The following CKAP5 variants were observed in gnomAD, a reference collection of about 807,000 sequenced individuals.
CKAP5 encodes the protein cytoskeleton-associated protein 5.
A neutral mutation model predicts 232.8 loss-of-function variants in CKAP5; 27 were observed. That is an observed-to-expected ratio of 0.12 (90% CI 0.09 to 0.16). The LOEUF (loss-of-function observed/expected upper bound fraction) is 0.16, where lower values mean the gene tolerates loss of function less well. CKAP5 is among the 10% of genes least tolerant of loss of function. The pLI, the probability that CKAP5 is intolerant of heterozygous loss-of-function variation, is 1.00. For synonymous variants in CKAP5, 785 were observed against 841.1 expected (o/e 0.93, Z 1.16); for missense variants, 1,838 against 2,424.7 (o/e 0.76, Z 5.08).
At chr11:46,830,302 G>C (rs1018484232) in intron 1 of CKAP5, among the ~76,000 whole-genome samples, 3 of 151,692 alleles carry the variant, frequency 2.0e-5, no homozygotes, top group Non-Finnish European at 4.4e-5. Context: ...TTAGCCGGGC[G>C]TGGTGGCAGG....
intron 27 of CKAP5, among the ~76,000 whole-genome samples, chr11:46,766,312 T>A (rs1038939530): frequency 6.6e-6 from 1 of 152,034 alleles, no homozygotes; most frequent in African/African-American, 2.4e-5. Flanking sequence ...AAGAACGGAG[T>A]CAAAAATACT....
At chr11:46,819,050 C>A (rs1939469239) in intron 2 of CKAP5, among the ~76,000 whole-genome samples, 1 of 152,054 alleles carries the variant, frequency 6.6e-6, no homozygotes, top group South Asian at 2.1e-4. Context: ...TACACTCCAG[C>A]AGGAGGGGAC....
chr11:46,829,712 C>T (rs1379110518), intron 1 of CKAP5, among the ~76,000 whole-genome samples: 1 of 152,056 alleles, frequency 6.6e-6, no homozygotes, highest in Non-Finnish European at 1.5e-5. Context: ...TGTGAAGTTC[C>T]CACTGCACAG....
chr11:46,778,572 T>C lies in CKAP5; in HGVS notation c.2461A>G (p.Thr821Ala), dbSNP rs145434600. The change falls in exon 21 of 44, where the codon ACC becomes GCC. Residue 821 changes from threonine (T) to alanine (A), a missense_variant. This residue lies in a region of CKAP5 where 767 missense variants were observed against 954.6 expected (regional missense o/e 0.80). Transcript: ENST00000529230. Reference protein sequence around the residue: ...KMQGQSPPAPTRGISKHSTSG... With the variant: ...KMQGQSPPAPARGISKHSTSG... ...GTGCTATGCTTGGAAATTCCTCTGG[T>C]TGGAGCAGGTGGACTTTGTCCCTGC... 5.6e-4 allele frequency: 897 copies of C among 1,614,046 alleles called. 4 individuals carry two copies. In the African/African-American group the frequency reaches 0.011, roughly 20 times the overall value.
At chr11:46,770,766 T>A in intron 25 of CKAP5, 22 bp downstream of exon 25, 11 of 1,605,146 alleles carry the variant, frequency 6.9e-6, no homozygotes, top group Non-Finnish European at 9.4e-6. Flanking sequence ...TTAACAGCAG[T>A]AGCAGCAACA....
intron 9 of CKAP5, among the ~76,000 whole-genome samples, chr11:46,799,515 G>C (rs1938976356): frequency 6.6e-6 from 1 of 152,086 alleles, no homozygotes; most frequent in Non-Finnish European, 1.5e-5. Flanking sequence ...AACATTTAAA[G>C]AAAATAAAGC....
intron 38 of CKAP5, among the ~76,000 whole-genome samples, chr11:46,752,191 TATACACACAC>T (rs2065071593): frequency 1.4e-5 from 1 of 73,166 alleles, no homozygotes; most frequent in Non-Finnish European, 2.7e-5. Context: ...TATATATATA[TATACACACAC>T]ACACACACAC....
intron 17 of CKAP5, among the ~76,000 whole-genome samples, chr11:46,783,597 GTTTT>G (rs66522172): frequency 7.1e-6 from 1 of 141,696 alleles, no homozygotes; most frequent in Non-Finnish European, 1.5e-5. Flanking sequence ...GCATTATAAT[GTTTT>G]TTTTTTTTTT....
rs150058248 is a variant in CKAP5, at chr11:46,759,864, A to G, written c.4395-422T>C. 3.8e-3 allele frequency among the ~76,000 whole-genome samples: 575 copies of G among 152,308 alleles called. 3 individuals carry two copies. Among genetic ancestry groups the G allele is most frequent in the Non-Finnish European group, 5.0e-3 (337 of 68,026 alleles). On this transcript the variant is annotated intron_variant, in intron 33 of 43. Coordinates refer to ENST00000529230, the MANE Select transcript of CKAP5 (RefSeq NM_001008938.4). ...AACCAGTGCTTTAATTTTGCTAATC[A>G]TAAGTACCATTCCATGCCGTGTTCA...
intron 3 of CKAP5, among the ~76,000 whole-genome samples, chr11:46,816,753 T>C (rs1939411394): frequency 6.6e-6 from 1 of 152,042 alleles, no homozygotes; most frequent in South Asian, 2.1e-4. Flanking sequence ...AAATATACTT[T>C]ACAAAAGTAG....
At chr11:46,771,947 T>A (rs2065250800) in intron 24 of CKAP5, among the ~76,000 whole-genome samples, 1 of 152,224 alleles carries the variant, frequency 6.6e-6, no homozygotes, top group Non-Finnish European at 1.5e-5. Context: ...CCATTATTTT[T>A]AATTTTAGCA....
intron 9 of CKAP5, among the ~76,000 whole-genome samples, chr11:46,800,177 T>C (rs1023253964): frequency 6.6e-6 from 1 of 152,136 alleles, no homozygotes; most frequent in Non-Finnish European, 1.5e-5. Context: ...GCTATAAAAA[T>C]AGATTTTAAT....
intron 1 of CKAP5, among the ~76,000 whole-genome samples, chr11:46,828,952 T>C (rs1230474050): frequency 6.6e-6 from 1 of 152,212 alleles, no homozygotes; most frequent in Admixed American, 6.5e-5. Context: ...TTCATAACGA[T>C]GTGAATATAC....
intron 35 of CKAP5, 199 bp downstream of exon 35, chr11:46,758,724 A>AAG (rs1327897037): frequency 3.9e-6 from 2 of 511,204 alleles, no homozygotes; most frequent in African/African-American, 4.0e-5. Context: ...GAAAAAAAAA[A>AAG]AAAAAAATAA....
At chr11:46,792,565 A>AAACAAC (rs544454333) in intron 13 of CKAP5, among the ~76,000 whole-genome samples, 1 of 151,972 alleles carries the variant, frequency 6.6e-6, no homozygotes, top group African/African-American at 2.4e-5. Context: ...AAAAAAACAA[A>AAACAAC]AACAACAACA....
intron 15 of CKAP5, 111 bp downstream of exon 15, chr11:46,789,965 G>A (rs1033464054): frequency 1.9e-5 from 12 of 640,912 alleles, no homozygotes; most frequent in African/African-American, 9.0e-5. Flanking sequence ...GCCATAAAAC[G>A]TGTTCACCGG....
chr11:46,765,797 G>T (rs1253247646), intron 27 of CKAP5, among the ~76,000 whole-genome samples: 1 of 151,882 alleles, frequency 6.6e-6, no homozygotes, highest in Non-Finnish European at 1.5e-5. Context: ...TAGAGACAGG[G>T]TTTCACCATG....
At chr11:46,822,761 A>AAAAG (rs1555167578) in intron 1 of CKAP5, among the ~76,000 whole-genome samples, 1,452 of 117,978 alleles carry the variant, frequency 0.012, 187 homozygotes, top group Middle Eastern at 0.04. Context: ...AAAAAAAAAA[A>AAAAG]AAAGAAAGAA....
chr11:46,823,833 C>G (rs1425164504), intron 1 of CKAP5, among the ~76,000 whole-genome samples: 1 of 152,180 alleles, frequency 6.6e-6, no homozygotes, highest in Non-Finnish European at 1.5e-5. Flanking sequence ...GTTGCCCAGG[C>G]TGGCCGATTT....
Sources: gnomAD v4.1 joint callset for allele counts (sites outside exome capture counted in the v4.1 genomes callset) on GRCh38, gnomAD v4.1.1 for gene constraint, gnomAD v4.1.1 regional missense constraint, MANE v1.5 for transcripts, NCBI Gene and HGNC (gene_info 2026-07-23, HGNC 2026-07-21) for gene names.